WASHC2C: variants seen among roughly 807,000 people sequenced by gnomAD.
WASHC2C encodes WASH complex subunit 2C, also known as Vaccinia Penetration Factor.
In WASHC2C, 73 loss-of-function variants were observed where a neutral mutation model predicts 142.2. The ratio of observed to expected loss-of-function variants is 0.51; its 90% CI spans 0.43 to 0.62. The LOEUF is 0.62. Among genes scored for constraint, WASHC2C ranks in the 20% least tolerant of loss-of-function variants. The probability of loss-of-function intolerance (pLI) is 0.00; values close to 1 mark genes in which losing one functional copy is unlikely to be tolerated. For synonymous variants in WASHC2C, 337 were observed against 565.5 expected (o/e 0.60, Z 5.73); for missense variants, 969 against 1,531.7 (o/e 0.63, Z 6.13).
chr10:45,770,632 G>T (rs1255413445), intron 20 of WASHC2C, among the ~76,000 whole-genome samples: 2 of 152,306 alleles, frequency 1.3e-5, no homozygotes, highest in African/African-American at 4.8e-5. Context: ...AGTACCTCAG[G>T]TTTCTGTCTC....
chr10:45,768,254 AAG>A (rs1381184637), intron 19 of WASHC2C, among the ~76,000 whole-genome samples: 12 of 151,520 alleles, frequency 7.9e-5, no homozygotes, highest in African/African-American at 2.9e-4. Flanking sequence ...AAAAAAAAAA[AAG>A]AAAGAGAAGA....
chr10:45,748,387 T>A (rs1190905930), intron 8 of WASHC2C, among the ~76,000 whole-genome samples: 2 of 151,144 alleles, frequency 1.3e-5, no homozygotes, highest in Non-Finnish European at 2.9e-5. Flanking sequence ...CCTCCTCGGT[T>A]CAAGTGATTC....
chr10:45,784,272 A>ATACG (rs2057798333), intron 23 of WASHC2C, among the ~76,000 whole-genome samples: 2 of 5,988 alleles, frequency 3.3e-4, no homozygotes, highest in African/African-American at 6.2e-4. Flanking sequence ...ATATATATAT[A>ATACG]TATATATATA....
In WASHC2C at chr10:45,736,187, C is replaced by A. The variant is rs184875461; in HGVS notation, c.292-1796C>A. On this transcript the variant is annotated intron_variant, in intron 3 of 30. Coordinates refer to ENST00000623400, the MANE Select transcript of WASHC2C (RefSeq NM_001330074.2). ...CTTTGGGAGGCCGAGGTGGGCGAAT[C>A]ATGAGGTCAGATTGAGACCATCCTG... Among the ~76,000 whole-genome samples, 636 of 150,420 alleles carry A rather than the reference C, an allele frequency of 4.2e-3. 7 individuals are homozygous for A. The highest frequency in any genetic ancestry group is 0.015 in the African/African-American group (609 of 41,140).
In WASHC2C at chr10:45,785,718, C is replaced by T. The variant is rs2057990136; in HGVS notation, c.2811+87C>T. 2.5e-6 allele frequency: 4 copies of T among 1,608,306 alleles called. No individual in the cohort carries two copies. The African/African-American group carries it at 4.0e-5, about 16-fold the overall frequency. On this transcript the variant is annotated intron_variant, in intron 26 of 30. Transcript: ENST00000623400. ...TTATGCAGACCCACAGTTATTTAGA[C>T]TTGTCTGCATTAAGGAGGAAACAGC...
At chr10:45,763,220 C>T (rs1215258921) in intron 17 of WASHC2C, among the ~76,000 whole-genome samples, 168 bp from the exon 18 acceptor site, 2 of 152,078 alleles carry the variant, frequency 1.3e-5, no homozygotes, top group Non-Finnish European at 1.5e-5. Context: ...CCTGCACAGA[C>T]CCTGAGGCCT....
At chr10:45,779,578 C>T (rs2057341935) in intron 23 of WASHC2C, among the ~76,000 whole-genome samples, 1 of 152,158 alleles carries the variant, frequency 6.6e-6, no homozygotes. Context: ...CTTTTGCAGC[C>T]TATTTGGGCT....
rs782209581 is a variant in WASHC2C at position 45,754,954 on chromosome 10, G to T, written c.1259G>T (p.Gly420Val). The change falls in exon 15 of 31, where the codon GGT becomes GTT. Residue 420 changes from glycine to valine, a missense_variant. Gly to Val is a moderately radical substitution (Grantham distance 109). Transcript: ENST00000623400. ...CTCACAGGAGACACGGATGTGTTTG[G>T]TGCTGCCTCCGTTCCATCACTGAAG... ...SVFLGDTDVF[G>V]AASVPSLKEP... 6.1e-5 allele frequency: 98 copies of T among 1,611,956 alleles called. 2 individuals carry two copies. In the South Asian group the frequency reaches 1.1e-3, roughly 18 times the overall value.
chr10:45,770,223 G>A (rs545531345), intron 20 of WASHC2C, among the ~76,000 whole-genome samples: 34 of 145,950 alleles, frequency 2.3e-4, no homozygotes, highest in African/African-American at 6.4e-4. Context: ...CCTGGGCAAC[G>A]GAGCAAGACT....
At position 45,786,676 on chromosome 10, in the gene WASHC2C, TA is replaced by T; in HGVS notation, c.2874+4del. ...TCCACTCGGATCGGGAAGATACAAG[TA>T]ATTAAAACACTGGAATCTTCATTGC... On this transcript the variant is annotated splice_donor_region_variant and intron_variant, in intron 27 of 30. Transcript: ENST00000623400. 1 of 1,611,842 alleles carries T rather than the reference TA, an allele frequency of 6.2e-7. No individual in the cohort carries two copies. Among genetic ancestry groups the T allele is most frequent in the Non-Finnish European group, 8.5e-7 (1 of 1,179,706 alleles).
At chr10:45,762,079 G>A (rs1365276860) in intron 17 of WASHC2C, among the ~76,000 whole-genome samples, 1 of 150,478 alleles carries the variant, frequency 6.6e-6, no homozygotes, top group Admixed American at 6.6e-5. Context: ...TTCGGCTCTT[G>A]TGTATTGAAG....
intron 5 of WASHC2C, among the ~76,000 whole-genome samples, chr10:45,740,711 G>A (rs1391754564): frequency 1.3e-5 from 2 of 152,212 alleles, no homozygotes; most frequent in African/African-American, 4.8e-5. Flanking sequence ...CATTTGGGTT[G>A]TTTCCGGTTT....
chr10:45,735,747 T>C (rs1392584626), intron 3 of WASHC2C, among the ~76,000 whole-genome samples: 8 of 152,214 alleles, frequency 5.3e-5, no homozygotes, highest in Non-Finnish European at 1.2e-4. Context: ...GAGGATATGA[T>C]CATTTAAAAG....
At chr10:45,744,672 A>G (rs2134388760) in intron 6 of WASHC2C, 149 bp from the exon 7 acceptor site, 1 of 597,806 alleles carries the variant, frequency 1.7e-6, no homozygotes, top group Admixed American at 3.0e-5. Flanking sequence ...GTAATTCCTC[A>G]CCATAATGAC....
intron 28 of WASHC2C, 95 bp downstream of exon 28, chr10:45,787,342 T>G: frequency 7.3e-7 from 1 of 1,378,638 alleles, no homozygotes; most frequent in Non-Finnish European, 1.0e-6. Context: ...CAGCAGTCTT[T>G]GACTCTCCTT....
At chr10:45,782,516 G>A (rs1471709929) in intron 23 of WASHC2C, among the ~76,000 whole-genome samples, 1 of 149,900 alleles carries the variant, frequency 6.7e-6, no homozygotes, top group Non-Finnish European at 1.5e-5. Flanking sequence ...GCTGCTGCAA[G>A]TGTGGAACAG....
rs1232030256 is a variant in WASHC2C, at chr10:45,791,618, G to A, written c.3887-643G>A. ...CCATTAGCCTGTTGACGGCAATCTC[G>A]ATTGTTTCTGTTTTCTTTATTACAA... is the stretch of plus-strand genomic sequence containing the variant. On this transcript the variant is annotated intron_variant, in intron 30 of 30. Coordinates refer to ENST00000623400, the MANE Select transcript of WASHC2C (RefSeq NM_001330074.2). Among the ~76,000 whole-genome samples, 138 of 145,914 alleles carry A rather than the reference G, an allele frequency of 9.5e-4. 7 individuals carry two copies. Among genetic ancestry groups the A allele is most frequent in the African/African-American group, 3.2e-3 (128 of 40,054 alleles).
At chr10:45,744,282 C>T (rs1331900592) in intron 6 of WASHC2C, among the ~76,000 whole-genome samples, 6 of 147,422 alleles carry the variant, frequency 4.1e-5, no homozygotes, top group African/African-American at 1.3e-4. Context: ...TGGTCTCGAA[C>T]GCCTGACCTC....
chr10:45,771,038 G>T (rs1377351013), intron 20 of WASHC2C, among the ~76,000 whole-genome samples: 1 of 151,190 alleles, frequency 6.6e-6, no homozygotes, highest in African/African-American at 2.4e-5. Flanking sequence ...GTGTTGCCTG[G>T]CCACCTTCTT....
Sources: gnomAD v4.1 joint callset for allele counts (sites outside exome capture counted in the v4.1 genomes callset) on GRCh38, gnomAD v4.1.1 for gene constraint, MANE v1.5 for transcripts, NCBI Gene and HGNC (gene_info 2026-07-23, HGNC 2026-07-21) for gene names.